The following OBP2B variants were observed in gnomAD, a reference collection of about 807,000 sequenced individuals.
The protein encoded by OBP2B is odorant-binding protein 2b.
Under a neutral mutation model 21.7 loss-of-function variants are expected in OBP2B, and 10 were observed. That is an observed-to-expected ratio of 0.46 (90% CI 0.28 to 0.78). The LOEUF is 0.78. Ranked by LOEUF, OBP2B falls within the 30% of genes least tolerant of loss-of-function variation. The probability of loss-of-function intolerance (pLI) is 0.11; values close to 1 mark genes in which losing one functional copy is unlikely to be tolerated. For synonymous variants in OBP2B, 73 were observed against 91.5 expected (o/e 0.80, Z 1.16); for missense variants, 153 against 217.7 (o/e 0.70, Z 1.87).
the OBP2B span, among the ~76,000 whole-genome samples, chr9:133,215,327 T>C: frequency 6.6e-6 from 1 of 152,224 alleles, no homozygotes; most frequent in African/African-American, 2.4e-5. Flanking sequence ...CTCAACATAA[T>C]AAAAGCGTCA....
upstream of OBP2B, among the ~76,000 whole-genome samples, chr9:133,210,981 G>A (rs1381491084): frequency 1.3e-5 from 2 of 152,142 alleles, no homozygotes; most frequent in Admixed American, 6.5e-5. Context: ...CTCCTGTTGG[G>A]CTGCCGCTAC....
the OBP2B span, among the ~76,000 whole-genome samples, chr9:133,217,839 A>T: frequency 6.6e-6 from 1 of 152,210 alleles, no homozygotes; most frequent in Non-Finnish European, 1.5e-5. Flanking sequence ...ACTTGTGGAA[A>T]GGATCCCCAC....
At chr9:133,215,290 G>T in the OBP2B span, among the ~76,000 whole-genome samples, 1 of 152,108 alleles carries the variant, frequency 6.6e-6, no homozygotes, top group Non-Finnish European at 1.5e-5. Flanking sequence ...CAAATGGAGA[G>T]ATGTGCTATA....
chr9:133,206,456 C>A, intron 4 of OBP2B, 40 bp from the exon 5 acceptor site: 1 of 1,608,524 alleles, frequency 6.2e-7, no homozygotes, highest in Middle Eastern at 1.7e-4. Flanking sequence ...GTGGGGACAG[C>A]GGCACGGCCC....
the OBP2B span, among the ~76,000 whole-genome samples, chr9:133,215,489 G>A: frequency 7.2e-5 from 11 of 152,026 alleles, no homozygotes; most frequent in Admixed American, 7.2e-4. Context: ...TAAAGTGGGA[G>A]GAATCAGGCT....
At chr9:133,215,787 A>G in the OBP2B span, among the ~76,000 whole-genome samples, 1 of 152,356 alleles carries the variant, frequency 6.6e-6, no homozygotes, top group South Asian at 2.1e-4. Flanking sequence ...GCACGCATAT[A>G]CCCAGTTAAG....
At chr9:133,205,474 A>G in intron 6 of OBP2B, 63 bp from the exon 7 acceptor site, 2 of 1,018,038 alleles carry the variant, frequency 2.0e-6, no homozygotes, top group Non-Finnish European at 1.4e-6. Context: ...CCAGGGCCAG[A>G]GCTCCCTCCC....
the OBP2B span, among the ~76,000 whole-genome samples, chr9:133,218,672 C>T: frequency 6.6e-5 from 10 of 152,174 alleles, no homozygotes; most frequent in African/African-American, 2.2e-4. Flanking sequence ...TGGGAGCTAA[C>T]GAGCTCAGCT....
chr9:133,206,167 G>A (rs1346325732), intron 5 of OBP2B, 148 bp downstream of exon 5: 1 of 1,114,974 alleles, frequency 9.0e-7, no homozygotes, highest in East Asian at 2.4e-5. Flanking sequence ...TGAGGAGGAC[G>A]CTAAACAGGG....
upstream of OBP2B, among the ~76,000 whole-genome samples, chr9:133,210,622 G>A (rs57047633): frequency 0.034 from 5,151 of 152,286 alleles, 306 homozygotes; most frequent in African/African-American, 0.12. Context: ...ATTGATCTAA[G>A]CACCTTACAA....
At chr9:133,207,966 T>C (rs782734342) in intron 3 of OBP2B, 167 bp downstream of exon 3, 1 of 1,531,138 alleles carries the variant, frequency 6.5e-7, no homozygotes, top group South Asian at 1.2e-5. Flanking sequence ...CGGTGTCTGA[T>C]GTCAGGGCCA....
At chr9:133,219,243 T>A in the OBP2B span, among the ~76,000 whole-genome samples, 9,073 of 152,262 alleles carry the variant, frequency 0.06, 805 homozygotes, top group African/African-American at 0.19. Flanking sequence ...CCAAATAGCA[T>A]GCAACCAAAG....
the OBP2B span, among the ~76,000 whole-genome samples, chr9:133,223,143 C>A: frequency 6.6e-6 from 1 of 152,330 alleles, no homozygotes; most frequent in African/African-American, 2.4e-5. The surrounding 1 kb of genome is among the most constrained non-coding windows in gnomAD (Gnocchi z 4.4). Flanking sequence ...CCAGGACTGG[C>A]TGAGCTGGTG....
Position 133,208,139 on chromosome 9 carries a change from T to C in OBP2B, c.271A>G (p.Ser91Gly), listed in dbSNP as rs142565120. The C allele has an allele frequency of 2.5e-5, 41 of 1,610,850 alleles. No individual in the cohort carries two copies. The highest frequency in any genetic ancestry group is 4.0e-5 in the African/African-American group (3 of 74,454). The change falls in exon 3 of 7, where the codon AGC becomes GGC. Residue 91 changes from serine (S) to glycine (G), a missense_variant. Physicochemically the swap from Ser to Gly is moderately conservative, Grantham distance 56. Coordinates refer to ENST00000372034, the MANE Select transcript of OBP2B (RefSeq NM_014581.4). ...GAGTGGGGGAGGGGCTCACAGGCGC[T>C]GTATTTGCCAGGCTCCTCCGTCTTC... The part of the protein sequence containing the change: ...MRKTEEPGKY[S>G]AYGGRKLMYL...
intron 6 of OBP2B, 177 bp from the exon 7 acceptor site, chr9:133,205,588 G>A: frequency 1.6e-6 from 1 of 607,962 alleles, no homozygotes; most frequent in South Asian, 2.0e-5. Context: ...ATCCTTGGTG[G>A]GTGGATGGTG....
At chr9:133,221,942 A>C in the OBP2B span, among the ~76,000 whole-genome samples, 233 of 150,652 alleles carry the variant, frequency 1.5e-3, 2 homozygotes, top group East Asian at 0.025. Flanking sequence ...CTCCTCCCCT[A>C]CCCAATCCCC....
the OBP2B span, among the ~76,000 whole-genome samples, chr9:133,216,998 A>G: frequency 1.3e-5 from 2 of 152,130 alleles, no homozygotes; most frequent in Non-Finnish European, 1.5e-5. Context: ...ACCTAGAGCC[A>G]AAGACTCAGC....
the OBP2B span, among the ~76,000 whole-genome samples, chr9:133,216,511 T>C: frequency 6.6e-6 from 1 of 150,422 alleles, no homozygotes; most frequent in Non-Finnish European, 1.5e-5. Flanking sequence ...GCAACAAGCA[T>C]AGAACCCCGC....
chr9:133,206,375 T>C lies in OBP2B; in HGVS notation c.430A>G (p.Lys144Glu), dbSNP rs1833710953. 4 of 1,613,974 alleles carry C rather than the reference T, an allele frequency of 2.5e-6. No homozygotes were observed. The South Asian group carries it at 4.4e-5, about 18-fold the overall frequency. Residue 144 changes from lysine (K) to glutamate (E), a missense_variant, in exon 5 of 7, where the codon AAG (lysine) becomes GAG (glutamate). By Grantham distance (56) the Lys-to-Glu change is moderately conservative. Transcript: ENST00000372034. ...DTNREALEEFKKLVQRKGLSE... is the reference protein window; with the variant it reads ...DTNREALEEFEKLVQRKGLSE... Reference sequence around the variant, plus strand: ...AGTCCCTTGCGCTGCACCAATTTCTTAAATTCTTCCAGGGCCTCCCGGTTG... The same window carrying C: ...AGTCCCTTGCGCTGCACCAATTTCTCAAATTCTTCCAGGGCCTCCCGGTTG...
Sources: gnomAD v4.1 joint callset for allele counts (sites outside exome capture counted in the v4.1 genomes callset) on GRCh38, gnomAD v4.1.1 for gene constraint, Gnocchi (gnomAD v3.1) non-coding constraint, MANE v1.5 for transcripts, NCBI Gene and HGNC (gene_info 2026-07-23, HGNC 2026-07-21) for gene names.